Variants in UMAD1 observed in about 807,000 individuals in gnomAD.
UMAD1 encodes UBAP1-MVB12-associated (UMA)-domain containing protein 1.
In UMAD1, 8 loss-of-function variants were observed where a neutral mutation model predicts 6.1. That is an observed-to-expected ratio of 1.30 (90% CI 0.76 to 2.35). UMAD1 has a LOEUF of 2.35. Among genes scored for constraint, UMAD1 ranks in the 30% most tolerant of loss-of-function variants. The probability of loss-of-function intolerance (pLI) is 0.00; values close to 1 mark genes in which losing one functional copy is unlikely to be tolerated. For synonymous variants in UMAD1, 56 were observed against 31.4 expected (o/e 1.78, Z -2.61); for missense variants, 130 against 78.4 (o/e 1.66, Z -2.49).
intron 2 of UMAD1, among the ~76,000 whole-genome samples, chr7:7,685,611 T>C (rs1251756642): frequency 3.3e-5 from 5 of 152,186 alleles, no homozygotes; most frequent in Admixed American, 3.3e-4. Flanking sequence ...CCCGGCCACA[T>C]TAATCTTTAT....
At chr7:7,812,737 A>G (rs1209783428) in intron 3 of UMAD1, among the ~76,000 whole-genome samples, 2 of 151,548 alleles carry the variant, frequency 1.3e-5, no homozygotes, top group South Asian at 2.1e-4. Flanking sequence ...TTTAAAAACC[A>G]CAAAATCAGC....
chr7:7,795,680 T>C (rs1782661897), intron 2 of UMAD1, among the ~76,000 whole-genome samples: 2 of 152,226 alleles, frequency 1.3e-5, no homozygotes. Flanking sequence ...TTCCCAGAGC[T>C]GAGGGTTTCT....
chr7:7,835,188 T>A (rs892897858), intron 3 of UMAD1, among the ~76,000 whole-genome samples: 2 of 152,196 alleles, frequency 1.3e-5, no homozygotes, highest in Non-Finnish European at 2.9e-5. Flanking sequence ...CACTCATCAT[T>A]GTAATTCTAT....
chr7:7,669,105 G>A (rs1041909952), intron 1 of UMAD1, among the ~76,000 whole-genome samples: 2 of 151,176 alleles, frequency 1.3e-5, no homozygotes, highest in Non-Finnish European at 2.9e-5. Context: ...TTTCTCATCA[G>A]TATTAAAATG....
chr7:7,745,329 T>G (rs1211939785), intron 2 of UMAD1, among the ~76,000 whole-genome samples: 2 of 152,182 alleles, frequency 1.3e-5, no homozygotes, highest in Non-Finnish European at 2.9e-5. Context: ...AGCTGTACTT[T>G]CTTTTTGAGA....
In UMAD1 at chr7:7,801,759, TAAGTCCTTTTCGGTGAAACTGAAC is replaced by T. The variant is rs1222677292; in HGVS notation, c.156+22_156+45del. 1.4e-6 allele frequency: 1 copy of T among 717,122 alleles called. No homozygotes were observed. Among genetic ancestry groups the T allele is most frequent in the South Asian group, 1.5e-5 (1 of 67,374 alleles). The allele number at this position is 717,122 out of a possible 1,614,324, so 44.4% of individuals were successfully genotyped here. A position where few individuals can be genotyped will look rare whatever the true frequency, so the allele number is the denominator to read the frequency against. ...ACCTTTGGAGGTAAGTGAAACAGAG[TAAGTCCTTTTCGGTGAAACTGAAC>T]AAGTCACTATGATTACTTATGCCTC... On this transcript the variant is annotated intron_variant, in intron 3 of 3. Coordinates refer to ENST00000682710, the MANE Select transcript of UMAD1 (RefSeq NM_001302348.2).
intron 2 of UMAD1, among the ~76,000 whole-genome samples, chr7:7,709,932 C>T (rs992176556): frequency 2.0e-5 from 3 of 152,114 alleles, no homozygotes; most frequent in African/African-American, 7.2e-5. Context: ...AAATTCCACT[C>T]TTTAAATTCT....
rs533847191 is a variant in UMAD1, at chr7:7,720,350, A to G, written c.82+46897A>G. Among the ~76,000 whole-genome samples, 7 of 152,262 alleles carry G rather than the reference A, an allele frequency of 4.6e-5. No individual in the cohort carries two copies. The East Asian group carries it at 9.6e-4, about 21-fold the overall frequency. ...AGAATGACTTTGGCTGCTTGTCAGA[A>G]GCGAATAACCCTGGGCCTCTTCCCC... is the stretch of plus-strand genomic sequence containing the variant. On this transcript the variant is annotated intron_variant, in intron 2 of 3. Transcript: ENST00000682710.
chr7:7,814,628 A>G (rs112154775), intron 3 of UMAD1, among the ~76,000 whole-genome samples: 2 of 148,268 alleles, frequency 1.3e-5, no homozygotes, highest in Non-Finnish European at 3.0e-5. Flanking sequence ...CTTCTACAAA[A>G]TATATTTATA....
intron 2 of UMAD1, among the ~76,000 whole-genome samples, chr7:7,800,850 C>A (rs1328341322): frequency 1.3e-5 from 2 of 152,180 alleles, no homozygotes; most frequent in Admixed American, 1.3e-4. Flanking sequence ...CTTTGGTAAT[C>A]TTCCCTGCTG....
chr7:7,671,360 C>G (rs1191527847), intron 1 of UMAD1, among the ~76,000 whole-genome samples: 2 of 152,144 alleles, frequency 1.3e-5, no homozygotes, highest in African/African-American at 4.8e-5. Flanking sequence ...GACCCACACC[C>G]TTAGTCTCTT....
At chr7:7,810,329 T>G (rs529782287) in intron 3 of UMAD1, among the ~76,000 whole-genome samples, 1 of 152,218 alleles carries the variant, frequency 6.6e-6, no homozygotes, top group Non-Finnish European at 1.5e-5. Flanking sequence ...GATGTTAATA[T>G]ACTTTGACAG....
intron 2 of UMAD1, among the ~76,000 whole-genome samples, chr7:7,759,143 A>T (rs1781837876): frequency 6.6e-6 from 1 of 152,184 alleles, no homozygotes; most frequent in African/African-American, 2.4e-5. Context: ...TCAGTAGATT[A>T]TGCCGGATAT....
chr7:7,838,734 C>A (rs1348999379), intron 3 of UMAD1, among the ~76,000 whole-genome samples: 1 of 152,056 alleles, frequency 6.6e-6, no homozygotes, highest in Admixed American at 6.5e-5. Flanking sequence ...AATGTTTATT[C>A]ACAAATGAAA....
At chr7:7,713,256 A>T (rs111402223) in intron 2 of UMAD1, among the ~76,000 whole-genome samples, 21,493 of 151,990 alleles carry the variant, frequency 0.14, 1,889 homozygotes, top group Middle Eastern at 0.2. Context: ...AGGCAGGAGA[A>T]TCACTTGAAC....
chr7:7,642,216 C>A (rs1297549735), intron 1 of UMAD1, among the ~76,000 whole-genome samples: 2 of 152,136 alleles, frequency 1.3e-5, no homozygotes, highest in South Asian at 2.1e-4. Context: ...CTCACTGCAG[C>A]CTTTAACTCG....
intron 3 of UMAD1, among the ~76,000 whole-genome samples, chr7:7,846,879 G>C (rs1013233851): frequency 7.8e-6 from 1 of 128,218 alleles, no homozygotes; most frequent in African/African-American, 3.1e-5. Context: ...ACACAGGAAG[G>C]GGAATATCAC....
intron 2 of UMAD1, chr7:7,687,266 G>A (rs1232908885): frequency 1.3e-5 from 2 of 152,186 alleles, no homozygotes; most frequent in Non-Finnish European, 2.9e-5. Context: ...AAATGTTAAT[G>A]ATATCATGGT....
intron 3 of UMAD1, among the ~76,000 whole-genome samples, chr7:7,843,634 G>A (rs181937814): frequency 1.3e-5 from 2 of 152,230 alleles, no homozygotes; most frequent in East Asian, 1.9e-4. Flanking sequence ...AAACTTGTTC[G>A]TGAATATGGA....
Sources: allele counts gnomAD v4.1 joint callset (sites outside exome capture counted in the v4.1 genomes callset), GRCh38; gene constraint gnomAD v4.1.1; transcripts MANE v1.5; gene names NCBI Gene and HGNC (gene_info 2026-07-23, HGNC 2026-07-21).